Variants in OPCML observed in about 807,000 individuals in gnomAD.
OPCML encodes the protein opioid-binding protein/cell adhesion molecule.
OPCML carries 13 observed loss-of-function variants against 37.8 expected under a neutral mutation model. The ratio of observed to expected loss-of-function variants is 0.34; its 90% CI spans 0.22 to 0.55. OPCML has a LOEUF of 0.55. Among genes scored for constraint, OPCML ranks in the 20% least tolerant of loss-of-function variants. The pLI is 0.91. For missense variants in OPCML, 341 were observed against 435.6 expected (o/e 0.78, Z 1.93); for synonymous variants, 176 against 168.8 (o/e 1.04, Z -0.33).
chr11:132,526,057 C>T (rs1359298717), intron 4 of OPCML, among the ~76,000 whole-genome samples: 1 of 152,096 alleles, frequency 6.6e-6, no homozygotes, highest in Admixed American at 6.6e-5. Flanking sequence ...TAGGATTTTC[C>T]AGTGAGGCTA....
At chr11:133,082,193 T>G (rs1359792012) in intron 1 of OPCML, among the ~76,000 whole-genome samples, 1 of 151,042 alleles carries the variant, frequency 6.6e-6, no homozygotes, top group African/African-American at 2.4e-5. Flanking sequence ...CCCTCCAGCC[T>G]CTAGAGGAGC....
At chr11:133,020,049 C>T (rs571676437) in intron 1 of OPCML, among the ~76,000 whole-genome samples, 1 of 152,322 alleles carries the variant, frequency 6.6e-6, no homozygotes, top group East Asian at 1.9e-4. Context: ...ATATTCACCT[C>T]CAGGGGCGGA....
chr11:132,981,465 C>T (rs1946581799), intron 1 of OPCML, among the ~76,000 whole-genome samples: 1 of 152,030 alleles, frequency 6.6e-6, no homozygotes, highest in African/African-American at 2.4e-5. Context: ...TGGGAGAACA[C>T]TGAGGGATAA....
chr11:132,561,345 C>A (rs1317449814), intron 3 of OPCML, among the ~76,000 whole-genome samples: 1 of 152,190 alleles, frequency 6.6e-6, no homozygotes, highest in African/African-American at 2.4e-5. Context: ...TCTTAAAATC[C>A]TTTCCTGGGT....
chr11:133,121,854 A>C (rs149885798), intron 1 of OPCML, among the ~76,000 whole-genome samples: 136 of 152,322 alleles, frequency 8.9e-4, no homozygotes, highest in Admixed American at 4.7e-3. Context: ...CTATTTGACA[A>C]GTGGTTTCAG....
intron 2 of OPCML, among the ~76,000 whole-genome samples, chr11:132,715,513 T>C (rs368896648): frequency 6.6e-6 from 1 of 152,270 alleles, no homozygotes; most frequent in African/African-American, 2.4e-5. Flanking sequence ...CCTAAATTCA[T>C]AGGTTGAAAT....
chr11:133,227,080 A>AG (rs758373512), intron 1 of OPCML, among the ~76,000 whole-genome samples: 138 of 149,854 alleles, frequency 9.2e-4, no homozygotes, highest in Admixed American at 5.5e-3. Context: ...CCGTCGTGTT[A>AG]GGGGGGGGTG....
At chr11:132,637,463 C>A (rs540664861) in intron 3 of OPCML, among the ~76,000 whole-genome samples, 1 of 152,272 alleles carries the variant, frequency 6.6e-6, no homozygotes, top group African/African-American at 2.4e-5. Flanking sequence ...TCTTGAGCCA[C>A]AGCTTCAAAA....
At chr11:132,752,155 G>T (rs566295433) in intron 2 of OPCML, among the ~76,000 whole-genome samples, 3 of 152,248 alleles carry the variant, frequency 2.0e-5, no homozygotes, top group African/African-American at 7.2e-5. Flanking sequence ...ACATGTGCAT[G>T]GGGAGGAGTG....
intron 2 of OPCML, among the ~76,000 whole-genome samples, chr11:132,828,078 T>C (rs903778178): frequency 1.3e-5 from 2 of 152,106 alleles, no homozygotes; most frequent in Non-Finnish European, 2.9e-5. Flanking sequence ...AGATGAGTTA[T>C]CAAACATAAA....
At chr11:133,114,036 G>A (rs942583420) in intron 1 of OPCML, among the ~76,000 whole-genome samples, 1 of 152,220 alleles carries the variant, frequency 6.6e-6, no homozygotes, top group African/African-American at 2.4e-5. Context: ...TGCTTCTTCA[G>A]AAACAGAGCA....
chr11:132,882,392 C>CTAGA (rs1322119394), intron 2 of OPCML, among the ~76,000 whole-genome samples: 1 of 152,186 alleles, frequency 6.6e-6, no homozygotes, highest in East Asian at 1.9e-4. Flanking sequence ...GTGAGTGGTT[C>CTAGA]TAGAACCAGG....
intron 7 of OPCML, among the ~76,000 whole-genome samples, chr11:132,425,402 T>A (rs921592967): frequency 6.6e-6 from 1 of 152,200 alleles, no homozygotes; most frequent in Non-Finnish European, 1.5e-5. Context: ...CAGAACTGAA[T>A]TTGAATTCTG....
intron 1 of OPCML, among the ~76,000 whole-genome samples, chr11:133,192,317 T>C (rs562534184): frequency 6.6e-6 from 1 of 152,334 alleles, no homozygotes; most frequent in East Asian, 1.9e-4. Flanking sequence ...GATAGCCCTA[T>C]CTACAAATGG....
At chr11:132,514,447 T>C (rs777889556) in intron 4 of OPCML, among the ~76,000 whole-genome samples, 3 of 152,052 alleles carry the variant, frequency 2.0e-5, no homozygotes, top group Admixed American at 6.6e-5. Flanking sequence ...TGATTTGAGA[T>C]AGCAACACTA....
chr11:133,047,648 C>T (rs1948043851), intron 1 of OPCML, among the ~76,000 whole-genome samples: 2 of 152,142 alleles, frequency 1.3e-5, no homozygotes, highest in South Asian at 4.1e-4. Context: ...ATCCATCACT[C>T]CGGCTACACT....
chr11:133,424,977 CA>C (rs1565627052), intron 1 of OPCML, among the ~76,000 whole-genome samples: 1 of 152,200 alleles, frequency 6.6e-6, no homozygotes, highest in Non-Finnish European at 1.5e-5. Flanking sequence ...ATTAACATGA[CA>C]TGACTATTCC....
intron 1 of OPCML, among the ~76,000 whole-genome samples, chr11:132,954,625 C>T (rs760192512): frequency 5.9e-5 from 9 of 152,088 alleles, no homozygotes; most frequent in Non-Finnish European, 1.0e-4. Flanking sequence ...AGTAAAACTA[C>T]GCTGTTGGCA....
At chr11:133,192,859 T>C (rs918229277) in intron 1 of OPCML, among the ~76,000 whole-genome samples, 6 of 145,632 alleles carry the variant, frequency 4.1e-5, no homozygotes, top group Non-Finnish European at 8.9e-5. Flanking sequence ...CTTCGTGTTT[T>C]CTTTTCTTTT....
Sources: gnomAD v4.1 joint callset for allele counts (sites outside exome capture counted in the v4.1 genomes callset) on GRCh38, gnomAD v4.1.1 for gene constraint, MANE v1.5 for transcripts, NCBI Gene and HGNC (gene_info 2026-07-23, HGNC 2026-07-21) for gene names.